The following TBC1D9 variants were observed in gnomAD, a reference collection of about 807,000 sequenced individuals.
The protein encoded by TBC1D9 is TBC1 domain family member 9.
Under a neutral mutation model 132.0 loss-of-function variants are expected in TBC1D9, and 63 were observed. The observed-to-expected ratio is 0.48, with a 90% CI of 0.39 to 0.59. The LOEUF (loss-of-function observed/expected upper bound fraction) is 0.59. TBC1D9 is among the 20% of genes least tolerant of loss of function. TBC1D9 has a pLI of 0.00. For synonymous variants in TBC1D9, 610 were observed against 609.9 expected (o/e 1.00, Z 0.00); for missense variants, 1,261 against 1,592.7 (o/e 0.79, Z 3.54).
chr4:140,641,643 G>A lies in TBC1D9; in HGVS notation c.2338-2215C>T, dbSNP rs57463152. ...TGGGGGTGGGGAGGAACTCGGGGTA[G>A]GGGGAGGAGGGCGGAGAGGAAGGAA... On this transcript the variant is annotated intron_variant, in intron 13 of 20. Transcript: ENST00000442267. Among the ~76,000 whole-genome samples the A allele has an allele frequency of 5.8e-3, 886 of 152,182 alleles. 8 individuals carry two copies. Among genetic ancestry groups the A allele is most frequent in the African/African-American group, 0.02 (832 of 41,490 alleles).
At chr4:140,632,439 G>A (rs899085116) in intron 16 of TBC1D9, among the ~76,000 whole-genome samples, 1 of 151,994 alleles carries the variant, frequency 6.6e-6, no homozygotes. Context: ...AATTAATACT[G>A]CCTCCTTCTT....
At chr4:140,749,125 G>C (rs1360307790) in intron 1 of TBC1D9, among the ~76,000 whole-genome samples, 1 of 152,036 alleles carries the variant, frequency 6.6e-6, no homozygotes, top group Non-Finnish European at 1.5e-5. Flanking sequence ...CAGCAATTTG[G>C]GAGGCTGAGG....
chr4:140,732,469 C>G (rs1271619886), intron 1 of TBC1D9, among the ~76,000 whole-genome samples: 1 of 152,172 alleles, frequency 6.6e-6, no homozygotes, highest in Non-Finnish European at 1.5e-5. Context: ...TACAAGAAGA[C>G]TTTTGGGAAA....
At position 140,669,731 on chromosome 4, in the gene TBC1D9, C is replaced by G; in HGVS notation, c.1340G>C (p.Arg447Pro). Residue 447 changes from arginine (R) to proline (P), a missense_variant, in exon 8 of 21, where the codon CGC becomes CCC. By Grantham distance (103) the Arg-to-Pro change is moderately radical. Transcript: ENST00000442267. ...RSTSSDADGERQFNLNGNSVP... is the reference protein window; with the variant it reads ...RSTSSDADGEPQFNLNGNSVP... ...GCTGTTGCCATTTAGGTTAAACTGG[C>G]GCTCTCCATCAGCATCAGAGCTCGT... 2.2e-5 allele frequency: 36 copies of G among 1,613,928 alleles called. No homozygotes were observed. The highest frequency in any genetic ancestry group is 3.1e-5 in the Non-Finnish European group (36 of 1,179,866).
At chr4:140,727,510 T>C (rs965469407) in intron 1 of TBC1D9, among the ~76,000 whole-genome samples, 1 of 152,232 alleles carries the variant, frequency 6.6e-6, no homozygotes, top group African/African-American at 2.4e-5. Context: ...ATAATCCCCA[T>C]TCAGCACAAA....
intron 3 of TBC1D9, among the ~76,000 whole-genome samples, chr4:140,684,227 C>T (rs1463565134): frequency 8.1e-5 from 12 of 147,400 alleles, no homozygotes; most frequent in Non-Finnish European, 1.6e-4. Flanking sequence ...TGTAGTGAGT[C>T]TCTGTCCCTA....
intron 3 of TBC1D9, among the ~76,000 whole-genome samples, chr4:140,681,223 T>G (rs2111019960): frequency 6.6e-6 from 1 of 152,300 alleles, no homozygotes; most frequent in East Asian, 1.9e-4. Context: ...GCCCTCCCAT[T>G]CTACATGCCT....
chr4:140,676,771 C>T, intron 6 of TBC1D9, 123 bp downstream of exon 6: 2 of 1,340,938 alleles, frequency 1.5e-6, no homozygotes, highest in Admixed American at 2.4e-5. Context: ...GCAGGTGCCA[C>T]CAAAGACGCA....
intron 1 of TBC1D9, among the ~76,000 whole-genome samples, chr4:140,728,636 G>T (rs1461178279): frequency 6.6e-6 from 1 of 151,748 alleles, no homozygotes; most frequent in Non-Finnish European, 1.5e-5. Flanking sequence ...TGGGAAGCTG[G>T]GATTACAGGT....
chr4:140,698,524 C>T lies in TBC1D9; in HGVS notation c.241+2980G>A, dbSNP rs568026175. On this transcript the variant is annotated intron_variant, in intron 2 of 20. Coordinates refer to ENST00000442267, the MANE Select transcript of TBC1D9 (RefSeq NM_015130.3). ...CCAGCATTTTGGAGGCCGAGGTGGGCGGATCATGAGATCAGGAGTTCGAGA... is the reference window on the plus strand; with the variant it reads ...CCAGCATTTTGGAGGCCGAGGTGGGTGGATCATGAGATCAGGAGTTCGAGA... Among the ~76,000 whole-genome samples the T allele has an allele frequency of 2.0e-5, 3 of 152,158 alleles. No homozygotes were observed. In the South Asian group the frequency reaches 6.2e-4, roughly 32 times the overall value.
intron 1 of TBC1D9, among the ~76,000 whole-genome samples, chr4:140,740,551 G>T (rs1004278082): frequency 5.9e-5 from 9 of 152,160 alleles, no homozygotes; most frequent in African/African-American, 2.2e-4. Context: ...TAAAATGCAG[G>T]TTCACTAGGC....
intron 1 of TBC1D9, among the ~76,000 whole-genome samples, chr4:140,728,487 T>G (rs552202004): frequency 3.7e-4 from 57 of 152,298 alleles, no homozygotes; most frequent in Non-Finnish European, 6.5e-4. Flanking sequence ...CTACTTGTTT[T>G]TTTTGTTTGT....
Position 140,628,340 on chromosome 4 carries a change from T to C in TBC1D9, c.2772A>G (p.Thr924=). ...GLSAACHGDL[T]EKLKLLYKMH... ...TTTTGTACAGGAGTTTGAGCTTCTC[T>C]GTGAGGTCCCCATGGCATGCAGCAC... Residue 924 remains threonine (T), a synonymous_variant, in exon 17 of 21, where the codon ACA becomes ACG. Coordinates refer to ENST00000442267, the MANE Select transcript of TBC1D9 (RefSeq NM_015130.3). 6.2e-7 allele frequency: 1 copy of C among 1,613,974 alleles called. No homozygotes were observed. The highest frequency in any genetic ancestry group is 8.5e-7 in the Non-Finnish European group (1 of 1,179,818).
At chr4:140,660,977 T>G (rs910567972) in intron 10 of TBC1D9, among the ~76,000 whole-genome samples, 19 of 152,046 alleles carry the variant, frequency 1.2e-4, no homozygotes, top group Non-Finnish European at 2.2e-4. Context: ...TGCAGTGGTA[T>G]GATCTCAGCT....
At chr4:140,669,308 T>C (rs935388520) in intron 8 of TBC1D9, among the ~76,000 whole-genome samples, 7 of 152,204 alleles carry the variant, frequency 4.6e-5, no homozygotes, top group African/African-American at 1.7e-4. Context: ...TGAGATTGTA[T>C]TTATGGTTTT....
intron 13 of TBC1D9, chr4:140,643,815 G>T (rs918270794): frequency 2.6e-6 from 2 of 763,688 alleles, no homozygotes; most frequent in Non-Finnish European, 4.4e-6. Context: ...GGCACTCAGC[G>T]CCTGGGCCTC....
chr4:140,632,888 G>C (rs534990075), intron 16 of TBC1D9, among the ~76,000 whole-genome samples: 1 of 152,314 alleles, frequency 6.6e-6, no homozygotes, highest in Admixed American at 6.5e-5. Flanking sequence ...AAGAGCTGTT[G>C]TTTAGATTAA....
intron 2 of TBC1D9, among the ~76,000 whole-genome samples, chr4:140,693,381 C>T (rs183477338): frequency 1.3e-5 from 2 of 152,152 alleles, no homozygotes; most frequent in South Asian, 2.1e-4. Context: ...ATGAGTGAGG[C>T]GATATTACTT....
chr4:140,633,827 C>T, intron 16 of TBC1D9, 121 bp downstream of exon 16: 1 of 1,226,692 alleles, frequency 8.2e-7, no homozygotes. Flanking sequence ...ATGAAAAACA[C>T]ATTTTATAAT....
Sources: gnomAD v4.1 joint callset for allele counts (sites outside exome capture counted in the v4.1 genomes callset) on GRCh38, gnomAD v4.1.1 for gene constraint, MANE v1.5 for transcripts, NCBI Gene and HGNC (gene_info 2026-07-23, HGNC 2026-07-21) for gene names.